Variants in DOCK7 observed in about 807,000 individuals in gnomAD.
DOCK7 encodes dedicator of cytokinesis protein 7.
DOCK7 carries 138 observed loss-of-function variants against 271.0 expected under a neutral mutation model. That is an observed-to-expected ratio of 0.51 (90% CI 0.44 to 0.59). DOCK7 has a LOEUF of 0.59. Among genes scored for constraint, DOCK7 ranks in the 20% least tolerant of loss-of-function variants. DOCK7 has a pLI of 0.00. For missense variants in DOCK7, 2,066 were observed against 2,592.4 expected, an observed-to-expected ratio of 0.80 and a Z score of 4.41; for synonymous variants, 823 against 876.1, an observed-to-expected ratio of 0.94 and a Z score of 1.07.
chr1:62,669,049 A>T (rs1659640307), intron 1 of DOCK7, among the ~76,000 whole-genome samples: 1 of 152,218 alleles, frequency 6.6e-6, no homozygotes, highest in Non-Finnish European at 1.5e-5. Context: ...TCCTCCATAA[A>T]GCCCTGCCTG....
Position 62,537,989 on chromosome 1 carries a change from T to A in DOCK7, c.3373A>T (p.Ile1125Phe). The A allele has an allele frequency of 6.2e-7, 1 of 1,614,104 alleles. No individual in the cohort carries two copies. Among genetic ancestry groups the A allele is most frequent in the Non-Finnish European group, 8.5e-7 (1 of 1,179,972 alleles). Reference protein sequence around the residue: ...VSLRLDFLRIICSHEHYVTLN... With the variant: ...VSLRLDFLRIFCSHEHYVTLN... ...GTAACATAGTGCTCATGACTGCAGA[T>A]GATTCGTAGAAAATCCAGCCTCAAG... The change falls in exon 28 of 50, where the codon ATC becomes TTC. Residue 1125 changes from isoleucine to phenylalanine, a missense_variant. This residue lies in a region of DOCK7 where 1,414 missense variants were observed against 1,670.4 expected (regional missense o/e 0.85). Coordinates refer to ENST00000635253, the MANE Select transcript of DOCK7 (RefSeq NM_001367561.1).
chr1:62,633,209 A>C (rs530291185), intron 10 of DOCK7, among the ~76,000 whole-genome samples: 2 of 152,148 alleles, frequency 1.3e-5, no homozygotes, highest in Non-Finnish European at 2.9e-5. Context: ...CTCTCCATGA[A>C]GAAAAAAATG....
chr1:62,681,772 T>C (rs1661196679), intron 1 of DOCK7, among the ~76,000 whole-genome samples: 1 of 151,996 alleles, frequency 6.6e-6, no homozygotes, highest in South Asian at 2.1e-4. Context: ...TACAAAGCAA[T>C]GAAAATGAAT....
intron 7 of DOCK7, among the ~76,000 whole-genome samples, chr1:62,640,162 A>C (rs1304863727): frequency 8.5e-5 from 13 of 152,204 alleles, no homozygotes. Flanking sequence ...TTAATCACCA[A>C]AGGCCTACCA....
chr1:62,528,708 G>A (rs1019634511), intron 30 of DOCK7, among the ~76,000 whole-genome samples: 2 of 152,194 alleles, frequency 1.3e-5, no homozygotes, highest in African/African-American at 4.8e-5. Flanking sequence ...TGAACTGGAA[G>A]CTATCGGGCT....
At position 62,513,874 on chromosome 1, in the gene DOCK7, A is replaced by C. The variant is rs2149341186; in HGVS notation, c.3961T>G (p.Ser1321Ala). 1 of 1,613,888 alleles carries C rather than the reference A, an allele frequency of 6.2e-7. No individual in the cohort carries two copies. The highest frequency in any genetic ancestry group is 8.5e-7 in the Non-Finnish European group (1 of 1,179,890). Reference sequence around the variant, plus strand: ...AAAAGGCTTCGACTTGATTCTGCTGAAAAGGTAGTGTGTTGCCTGCCACTC... The same window carrying C: ...AAAAGGCTTCGACTTGATTCTGCTGCAAAGGTAGTGTGTTGCCTGCCACTC... The part of the protein sequence containing the change: ...STSGRQHTTF[S>A]AESSRSLLIC... The change falls in exon 32 of 50, where the codon TCA becomes GCA. Residue 1321 changes from serine (S) to alanine (A), a missense_variant. Ser to Ala is a moderately conservative substitution (Grantham distance 99). Transcript: ENST00000635253.
chr1:62,506,985 A>T (rs558244040), intron 35 of DOCK7, among the ~76,000 whole-genome samples: 1 of 87,972 alleles, frequency 1.1e-5, no homozygotes, highest in East Asian at 4.4e-4. Context: ...AATAAATAAA[A>T]TAGAGTAGAG....
Position 62,545,063 on chromosome 1 carries a change from T to C in DOCK7, c.2767-24A>G, listed in dbSNP as rs773342927. 9 of 1,514,368 alleles carry C rather than the reference T, an allele frequency of 5.9e-6. 1 individual carries two copies. The highest frequency in any genetic ancestry group is 2.5e-5 in the South Asian group (2 of 80,008). The allele number at this position is 1,514,368 out of a possible 1,614,324, so 93.8% of individuals were successfully genotyped here. Reference sequence around the variant, plus strand: ...CCCTAAGCATATAATAGAAAGCAGTTTGAAAGGAAAGAAATATTACATGTT... The same window carrying C: ...CCCTAAGCATATAATAGAAAGCAGTCTGAAAGGAAAGAAATATTACATGTT... On this transcript the variant is annotated intron_variant, in intron 22 of 49. Coordinates refer to ENST00000635253, the MANE Select transcript of DOCK7 (RefSeq NM_001367561.1).
At chr1:62,575,276 C>T (rs1646911458) in intron 18 of DOCK7, among the ~76,000 whole-genome samples, 1 of 152,148 alleles carries the variant, frequency 6.6e-6, no homozygotes, top group South Asian at 2.1e-4. Context: ...CCAAGTGTGC[C>T]TGCTTCCCCT....
intron 4 of DOCK7, 25 bp from the exon 5 acceptor site, chr1:62,648,569 A>G: frequency 6.8e-6 from 8 of 1,182,052 alleles, no homozygotes; most frequent in Non-Finnish European, 9.0e-6. Context: ...AAGTTAAATA[A>G]ATATCAACTA....
chr1:62,474,023 ATGTC>A lies in DOCK7; in HGVS notation c.6167_6170del (p.Arg2056IlefsTer20). ...TAAAGCAGAGTCGCAGTTTATTATG[ATGTC>A]TGAAGAGCTTTGGGTCACTAGGTAT... On this transcript the variant is annotated frameshift_variant, in exon 48 of 50. Coordinates refer to ENST00000635253, the MANE Select transcript of DOCK7 (RefSeq NM_001367561.1). LOFTEE classifies it high-confidence loss of function. 1 of 1,614,058 alleles carries A rather than the reference ATGTC, an allele frequency of 6.2e-7. No individual in the cohort carries two copies. The highest frequency in any genetic ancestry group is 8.5e-7 in the Non-Finnish European group (1 of 1,179,950).
At chr1:62,659,277 A>G (rs1658390712) in intron 2 of DOCK7, among the ~76,000 whole-genome samples, 1 of 152,200 alleles carries the variant, frequency 6.6e-6, no homozygotes, top group African/African-American at 2.4e-5. Context: ...GAGAGGGTAA[A>G]GGGATGTAAA....
At chr1:62,673,688 T>C (rs1361463248) in intron 1 of DOCK7, among the ~76,000 whole-genome samples, 1 of 152,190 alleles carries the variant, frequency 6.6e-6, no homozygotes, top group African/African-American at 2.4e-5. Context: ...TATCCTGGTG[T>C]AAAGTATACA....
chr1:62,509,038 T>C (rs1337207621), intron 34 of DOCK7, among the ~76,000 whole-genome samples: 2 of 152,158 alleles, frequency 1.3e-5, no homozygotes, highest in African/African-American at 4.8e-5. Flanking sequence ...AATACTTCAT[T>C]AATTTACAGT....
intron 1 of DOCK7, among the ~76,000 whole-genome samples, chr1:62,683,868 A>G (rs1661436104): frequency 6.6e-6 from 1 of 152,128 alleles, no homozygotes; most frequent in Non-Finnish European, 1.5e-5. Context: ...CAGAGACTTC[A>G]GTGAGCCAAG....
At chr1:62,676,649 T>C (rs1001800038) in intron 1 of DOCK7, among the ~76,000 whole-genome samples, 1 of 152,146 alleles carries the variant, frequency 6.6e-6, no homozygotes, top group African/African-American at 2.4e-5. Flanking sequence ...AAAGGAGAGC[T>C]GAATGCAGTC....
chr1:62,492,632 A>G, intron 41 of DOCK7, 72 bp downstream of exon 41: 1 of 1,577,308 alleles, frequency 6.3e-7, no homozygotes, highest in Non-Finnish European at 8.7e-7. Context: ...TAAGCCAGAG[A>G]GAATAAATAC....
At chr1:62,627,500 C>T (rs376682534) in intron 11 of DOCK7, 16 of 151,894 alleles carry the variant, frequency 1.1e-4, no homozygotes, top group African/African-American at 2.9e-4. Context: ...GGGAAAAAAA[C>T]GAACAATAAC....
chr1:62,648,387 T>TA (rs1320054176), intron 5 of DOCK7, 28 bp downstream of exon 5: 1 of 1,464,278 alleles, frequency 6.8e-7, no homozygotes, highest in East Asian at 2.6e-5. Context: ...AATAACTTCT[T>TA]ATAGTTATTT....
Sources: gnomAD v4.1 joint callset for allele counts (sites outside exome capture counted in the v4.1 genomes callset) on GRCh38, gnomAD v4.1.1 for gene constraint, gnomAD v4.1.1 regional missense constraint, MANE v1.5 for transcripts, NCBI Gene and HGNC (gene_info 2026-07-23, HGNC 2026-07-21) for gene names.